The following ADAM32 variants were observed in gnomAD, a reference collection of about 807,000 sequenced individuals.
The protein encoded by ADAM32 is disintegrin and metalloproteinase domain-containing protein 32.
In ADAM32, 89 loss-of-function variants were observed where a neutral mutation model predicts 114.9. The ratio of observed to expected loss-of-function variants is 0.77; its 90% CI spans 0.65 to 0.92. The LOEUF is 0.92. ADAM32 is among the 40% of genes least tolerant of loss of function. The pLI, the probability that ADAM32 is intolerant of heterozygous loss-of-function variation, is 0.00. For missense variants in ADAM32, 870 were observed against 932.8 expected, an observed-to-expected ratio of 0.93 and a Z score of 0.88; for synonymous variants, 285 against 307.5, an observed-to-expected ratio of 0.93 and a Z score of 0.77.
intron 11 of ADAM32, among the ~76,000 whole-genome samples, chr8:39,203,310 G>A (rs1248562577): frequency 6.6e-6 from 1 of 152,098 alleles, no homozygotes; most frequent in African/African-American, 2.4e-5. Flanking sequence ...ATGAATCTGG[G>A]TGCTCCTGTA....
chr8:39,135,756 A>G (rs1035535018), intron 2 of ADAM32, among the ~76,000 whole-genome samples: 6 of 152,242 alleles, frequency 3.9e-5, no homozygotes, highest in East Asian at 3.9e-4. Flanking sequence ...ACACCCCTCA[A>G]TTTGGATTTG....
At chr8:39,201,275 T>G (rs1288156296) in intron 11 of ADAM32, among the ~76,000 whole-genome samples, 1 of 152,194 alleles carries the variant, frequency 6.6e-6, no homozygotes, top group East Asian at 1.9e-4. Context: ...GTTCTTCCAT[T>G]TGTTTGTGTC....
chr8:39,167,850 G>A (rs577251124), intron 9 of ADAM32: 1 of 152,042 alleles, frequency 6.6e-6, no homozygotes, highest in East Asian at 1.9e-4. Flanking sequence ...GATCACTGTT[G>A]GTGTTATAGA....
intron 10 of ADAM32, among the ~76,000 whole-genome samples, chr8:39,183,954 C>T (rs12549006): frequency 0.71 from 108,201 of 152,040 alleles, 38,698 homozygotes; most frequent in Middle Eastern, 0.78. Flanking sequence ...GAGGACAAAT[C>T]GTTCCTCCTT....
At chr8:39,115,078 A>C (rs1010094665) in intron 1 of ADAM32, among the ~76,000 whole-genome samples, 1 of 152,212 alleles carries the variant, frequency 6.6e-6, no homozygotes, top group Non-Finnish European at 1.5e-5. Flanking sequence ...ATAGTATTCC[A>C]TGGTGTATAT....
intron 10 of ADAM32, among the ~76,000 whole-genome samples, chr8:39,181,635 CATT>C (rs1805901810): frequency 6.6e-6 from 1 of 152,190 alleles, no homozygotes; most frequent in African/African-American, 2.4e-5. Context: ...TTTGCCAAGT[CATT>C]ATGAAGTGAA....
In ADAM32 at chr8:39,221,492, C is replaced by CA. The variant is rs560348171; in HGVS notation, c.1234-117dup. On this transcript the variant is annotated intron_variant, in intron 12 of 24. Transcript: ENST00000379907. ...TAAAGATGTTAAAACCTGTAACTAT[C>CA]AGCAGCATTCATATCCTTTTCCAAA... is the stretch of plus-strand genomic sequence containing the variant. 2,339 of 722,276 alleles carry CA rather than the reference C, an allele frequency of 3.2e-3. 16 individuals are homozygous for CA. The highest frequency in any genetic ancestry group is 5.2e-3 in the Middle Eastern group (14 of 2,710). 44.7% of individuals were successfully genotyped at this position (722,276 alleles called of 1,614,324 possible).
intron 12 of ADAM32, 104 bp downstream of exon 12, chr8:39,211,428 G>A (rs1381401328): frequency 1.8e-6 from 2 of 1,139,738 alleles, no homozygotes; most frequent in Non-Finnish European, 2.3e-6. Flanking sequence ...CATGCAGAAT[G>A]TTGACAGTAA....
chr8:39,201,140 G>T lies in ADAM32; in HGVS notation c.1053-10004G>T, dbSNP rs527961592. Among the ~76,000 whole-genome samples, 21 of 152,314 alleles carry T rather than the reference G, an allele frequency of 1.4e-4. No homozygotes were observed. In the South Asian group the frequency reaches 3.5e-3, roughly 26 times the overall value. On this transcript the variant is annotated intron_variant, in intron 11 of 24. Coordinates refer to ENST00000379907, the MANE Select transcript of ADAM32 (RefSeq NM_145004.7). ...TTGGTTCCATATGAACTTTAAAGTA[G>T]TTTTTTCCATTTCTGTGAAGAAAGT...
chr8:39,148,831 C>A (rs1257261187), intron 4 of ADAM32, among the ~76,000 whole-genome samples: 1 of 151,926 alleles, frequency 6.6e-6, no homozygotes, highest in African/African-American at 2.4e-5. Flanking sequence ...TTTATAGCAC[C>A]ATTGAATATT....
chr8:39,136,789 G>A (rs1043244562), intron 3 of ADAM32, 71 bp downstream of exon 3: 36 of 1,025,616 alleles, frequency 3.5e-5, no homozygotes, highest in South Asian at 2.3e-4. Flanking sequence ...ATAGAAAATG[G>A]AGTATGAGAA....
intron 6 of ADAM32, among the ~76,000 whole-genome samples, chr8:39,154,762 G>A (rs550511426): frequency 2.0e-5 from 3 of 151,888 alleles, no homozygotes; most frequent in African/African-American, 7.2e-5. Flanking sequence ...TCTCATTGTG[G>A]TTTTGATTTG....
intron 9 of ADAM32, chr8:39,168,066 T>A (rs1804957860): frequency 1.3e-5 from 2 of 152,158 alleles, no homozygotes; most frequent in African/African-American, 4.8e-5. Flanking sequence ...ATTGTTTATC[T>A]TTATGACAAA....
At chr8:39,270,824 A>T in intron 19 of ADAM32, 52 bp from the exon 20 acceptor site, 3 of 1,429,818 alleles carry the variant, frequency 2.1e-6, no homozygotes, top group Non-Finnish European at 2.9e-6. Flanking sequence ...TAATTCATGA[A>T]GTTGGCAAGT....
At chr8:39,136,305 G>A (rs1206713070) in intron 2 of ADAM32, among the ~76,000 whole-genome samples, 1 of 152,184 alleles carries the variant, frequency 6.6e-6, no homozygotes, top group African/African-American at 2.4e-5. Context: ...GACAGAGTAA[G>A]CTTCACTGAT....
chr8:39,283,340 G>A (rs913236455), intron 23 of ADAM32, among the ~76,000 whole-genome samples: 3 of 150,584 alleles, frequency 2.0e-5, no homozygotes, highest in Admixed American at 6.6e-5. Context: ...GCCCCCAGGA[G>A]GTTGAGGCTG....
chr8:39,161,089 G>T, intron 7 of ADAM32, 124 bp downstream of exon 7: 1 of 850,624 alleles, frequency 1.2e-6, no homozygotes, highest in Non-Finnish European at 1.7e-6. Flanking sequence ...GACAATAGTG[G>T]AAAAATGTGC....
chr8:39,125,119 A>G (rs1802032531), intron 2 of ADAM32, among the ~76,000 whole-genome samples: 1 of 151,946 alleles, frequency 6.6e-6, no homozygotes, highest in Non-Finnish European at 1.5e-5. Context: ...TTTTTTTCAT[A>G]TGTTTGTTGG....
chr8:39,155,641 A>C (rs1012426303), intron 6 of ADAM32, among the ~76,000 whole-genome samples: 2 of 152,222 alleles, frequency 1.3e-5, no homozygotes, highest in African/African-American at 2.4e-5. Flanking sequence ...AGCCATACAG[A>C]GCACCAGTTG....
Sources: allele counts gnomAD v4.1 joint callset (sites outside exome capture counted in the v4.1 genomes callset), GRCh38; gene constraint gnomAD v4.1.1; transcripts MANE v1.5; gene names NCBI Gene and HGNC (gene_info 2026-07-23, HGNC 2026-07-21).